Variants in PLEKHM3 observed in about 807,000 individuals in gnomAD.
The protein encoded by PLEKHM3 is pleckstrin homology domain containing M3.
Under a neutral mutation model 81.8 loss-of-function variants are expected in PLEKHM3, and 45 were observed. That is an observed-to-expected ratio of 0.55 (90% CI 0.43 to 0.71). PLEKHM3 has a LOEUF of 0.71. Ranked by LOEUF, PLEKHM3 falls within the 30% of genes least tolerant of loss-of-function variation. The pLI, the probability that PLEKHM3 is intolerant of heterozygous loss-of-function variation, is 0.00. For missense variants in PLEKHM3, 788 were observed against 924.3 expected (o/e 0.85, Z 1.91); for synonymous variants, 352 against 356.4 (o/e 0.99, Z 0.14).
chr2:207,901,687 T>C (rs1688431148), intron 6 of PLEKHM3, among the ~76,000 whole-genome samples: 1 of 152,158 alleles, frequency 6.6e-6, no homozygotes, highest in Non-Finnish European at 1.5e-5. Flanking sequence ...AATCCCTTCC[T>C]CCTCCCCAGC....
At position 207,861,130 on chromosome 2, in the gene PLEKHM3, G is replaced by A. The variant is rs778046594; in HGVS notation, c.2083C>T (p.Pro695Ser). The change falls in exon 7 of 8, where the codon CCT (proline) becomes TCT (serine). Residue 695 changes from proline to serine, a missense_variant. Transcript: ENST00000427836. ...EICNNGEILY[P>S]FEDISTSRCE... ...CTGCTTGTTGAAATATCCTCAAAAGGGTAGAGGATCTCTCCATTGTTACAG... is the reference window on the plus strand; with the variant it reads ...CTGCTTGTTGAAATATCCTCAAAAGAGTAGAGGATCTCTCCATTGTTACAG... The A allele has an allele frequency of 4.0e-5, 65 of 1,613,788 alleles. No homozygotes were observed. In the Admixed American group the frequency reaches 1.1e-3, roughly 27 times the overall value.
At chr2:207,940,403 C>T (rs1007620976) in intron 4 of PLEKHM3, among the ~76,000 whole-genome samples, 2 of 152,154 alleles carry the variant, frequency 1.3e-5, no homozygotes, top group African/African-American at 4.8e-5. Flanking sequence ...CATGCATTAA[C>T]CCATTTACCC....
chr2:207,980,014 C>T (rs892720964), intron 2 of PLEKHM3, among the ~76,000 whole-genome samples: 10 of 152,170 alleles, frequency 6.6e-5, no homozygotes, highest in East Asian at 1.9e-4. Context: ...GTGCTGTTAG[C>T]GACACTGCTG....
intron 3 of PLEKHM3, among the ~76,000 whole-genome samples, chr2:207,948,352 T>C (rs1690209060): frequency 7.4e-6 from 1 of 134,828 alleles, no homozygotes; most frequent in East Asian, 2.1e-4. Context: ...CTCAGATCTT[T>C]TTTTTTTTTT....
intron 1 of PLEKHM3, among the ~76,000 whole-genome samples, chr2:208,011,462 A>G (rs1282308875): frequency 6.6e-6 from 1 of 152,156 alleles, no homozygotes. Context: ...ATTTACAGCA[A>G]CCTGGATGGG....
chr2:207,860,797 T>A (rs1054460483), intron 7 of PLEKHM3, among the ~76,000 whole-genome samples: 2 of 152,176 alleles, frequency 1.3e-5, no homozygotes, highest in Admixed American at 1.3e-4. Flanking sequence ...GAAAAAATTA[T>A]TAAGATGCTT....
chr2:207,886,394 G>A (rs1559221832), intron 6 of PLEKHM3, among the ~76,000 whole-genome samples: 1 of 152,138 alleles, frequency 6.6e-6, no homozygotes, highest in Non-Finnish European at 1.5e-5. Flanking sequence ...GAAGAATCAG[G>A]ACAGTGTTTT....
intron 3 of PLEKHM3, among the ~76,000 whole-genome samples, chr2:207,953,897 G>C (rs1690420380): frequency 6.6e-6 from 1 of 152,064 alleles, no homozygotes; most frequent in Non-Finnish European, 1.5e-5. Flanking sequence ...TCCTACCATG[G>C]GTGACACACA....
In PLEKHM3 at chr2:207,918,543, A is replaced by AAAAC. The variant is rs376766099; in HGVS notation, c.1887-9970_1887-9967dup. Among the ~76,000 whole-genome samples, 1,124 of 146,556 alleles carry AAAAC rather than the reference A, an allele frequency of 7.7e-3. 6 individuals are homozygous for AAAAC. Among genetic ancestry groups the AAAAC allele is most frequent in the African/African-American group, 0.026 (951 of 36,312 alleles). Reference sequence around the variant, plus strand: ...TCTCAACAAACAAACAAACAAACAAAAAACAAACAAACAAACAAACAAACA... The same window carrying AAAAC: ...TCTCAACAAACAAACAAACAAACAAAAAACAAACAAACAAACAAACAAACAAACA... On this transcript the variant is annotated intron_variant, in intron 5 of 7. Coordinates refer to ENST00000427836, the MANE Select transcript of PLEKHM3 (RefSeq NM_001080475.3).
chr2:207,858,174 G>GTGTGTGTGTGTGTGTATATA (rs373920637), intron 7 of PLEKHM3, among the ~76,000 whole-genome samples: 15 of 123,300 alleles, frequency 1.2e-4, no homozygotes, highest in African/African-American at 5.3e-4. Flanking sequence ...GTGTGTGTGT[G>GTGTGTGTGTGTGTGTATATA]TATATATTTT....
chr2:207,877,283 C>G (rs1310617262), intron 6 of PLEKHM3, among the ~76,000 whole-genome samples: 1 of 152,206 alleles, frequency 6.6e-6, no homozygotes, highest in African/African-American at 2.4e-5. Context: ...AGTCTGTGAT[C>G]TGGCTCAGCC....
At chr2:207,941,867 C>T (rs533727278) in intron 4 of PLEKHM3, among the ~76,000 whole-genome samples, 2 of 152,250 alleles carry the variant, frequency 1.3e-5, no homozygotes, top group South Asian at 4.1e-4. Context: ...TTAAAAAATG[C>T]TCAACATCAC....
At chr2:207,833,618 G>T (rs1295710007) in intron 7 of PLEKHM3, among the ~76,000 whole-genome samples, 1 of 152,112 alleles carries the variant, frequency 6.6e-6, no homozygotes, top group East Asian at 1.9e-4. Context: ...GTGCATCATA[G>T]GATGTGTAGC....
intron 6 of PLEKHM3, among the ~76,000 whole-genome samples, chr2:207,871,621 A>C (rs1432087830): frequency 6.6e-6 from 1 of 152,186 alleles, no homozygotes. Context: ...CTTATCCAGA[A>C]AAATATATGG....
At chr2:207,881,449 C>CT (rs755400257) in intron 6 of PLEKHM3, among the ~76,000 whole-genome samples, 15 of 152,132 alleles carry the variant, frequency 9.9e-5, no homozygotes, top group Non-Finnish European at 1.9e-4. Flanking sequence ...TTATGGGGGT[C>CT]TTACTACTCC....
At chr2:207,983,750 A>G (rs918509416) in intron 2 of PLEKHM3, among the ~76,000 whole-genome samples, 1 of 152,198 alleles carries the variant, frequency 6.6e-6, no homozygotes, top group Non-Finnish European at 1.5e-5. Flanking sequence ...TACTTACTGA[A>G]GAGGAAGAAG....
chr2:207,951,501 A>C (rs537218656), intron 3 of PLEKHM3, among the ~76,000 whole-genome samples: 36 of 152,284 alleles, frequency 2.4e-4, no homozygotes, highest in African/African-American at 7.5e-4. Flanking sequence ...GGAACAAAAA[A>C]CTATCTCACC....
chr2:207,949,329 C>T (rs1422968081), intron 3 of PLEKHM3, among the ~76,000 whole-genome samples: 2 of 152,226 alleles, frequency 1.3e-5, no homozygotes, highest in African/African-American at 4.8e-5. Flanking sequence ...CGGTGGATTG[C>T]TTGAGCCCAG....
chr2:207,930,663 G>A (rs1315783631), intron 5 of PLEKHM3, among the ~76,000 whole-genome samples: 4 of 152,134 alleles, frequency 2.6e-5, no homozygotes, highest in East Asian at 1.9e-4. Flanking sequence ...AGCCTTCACC[G>A]TCCTGGGCAC....
Sources: gnomAD v4.1 joint callset for allele counts (sites outside exome capture counted in the v4.1 genomes callset) on GRCh38, gnomAD v4.1.1 for gene constraint, MANE v1.5 for transcripts, NCBI Gene and HGNC (gene_info 2026-07-23, HGNC 2026-07-21) for gene names.